The following HINT3 variants were observed in gnomAD, a reference collection of about 807,000 sequenced individuals.
HINT3 encodes histidine triad nucleotide binding protein 3.
A neutral mutation model predicts 19.1 loss-of-function variants in HINT3; 16 were observed. The ratio of observed to expected loss-of-function variants is 0.84; its 90% confidence interval spans 0.57 to 1.27. The LOEUF (loss-of-function observed/expected upper bound fraction) is 1.27, where lower values mean the gene tolerates loss of function less well. Among genes scored for constraint, HINT3 ranks in the 50% most tolerant of loss-of-function variants. HINT3 has a pLI of 0.00. For missense variants in HINT3, 197 were observed against 225.8 expected (o/e 0.87, Z 0.82); for synonymous variants, 75 against 84.8 (o/e 0.88, Z 0.63).
At position 125,974,963 on chromosome 6, in the gene HINT3, G is replaced by C. The variant is rs1174176015; in HGVS notation, c.506G>C (p.Trp169Ser). The change falls in exon 4 of 5, where the codon TGG (tryptophan) becomes TCG (serine). Residue 169 changes from tryptophan (W) to serine (S), a missense_variant. Transcript: ENST00000229633. ...TTGGTTTATAGAGTCAATTCCTATT[G>C]GTTTATCACAGTGAGTATTCTTGTT... is the stretch of plus-strand genomic sequence containing the variant. Reference protein sequence around the residue: ...SKLVYRVNSYWFITADHLIEK... With the variant: ...SKLVYRVNSYSFITADHLIEK... 6.2e-7 allele frequency: 1 copy of C among 1,613,548 alleles called. No individual in the cohort carries two copies. The highest frequency in any genetic ancestry group is 8.5e-7 in the Non-Finnish European group (1 of 1,179,664).
intron 1 of HINT3, among the ~76,000 whole-genome samples, chr6:125,962,189 C>CACAT (rs1178704034): frequency 1.6e-5 from 1 of 64,328 alleles, no homozygotes; most frequent in Non-Finnish European, 2.6e-5. Context: ...TATATATACA[C>CACAT]ATATATATAT....
intron 1 of HINT3, among the ~76,000 whole-genome samples, chr6:125,959,578 T>G (rs565389169): frequency 3.7e-4 from 57 of 152,266 alleles, no homozygotes; most frequent in African/African-American, 1.3e-3. Flanking sequence ...AAAAGGCAGA[T>G]AGCAGTTGAT....
intron 2 of HINT3, among the ~76,000 whole-genome samples, 154 bp downstream of exon 2, chr6:125,967,158 TA>T (rs1157561892): frequency 6.6e-6 from 1 of 152,150 alleles, no homozygotes; most frequent in Admixed American, 6.6e-5. Flanking sequence ...TTAAATTCAT[TA>T]AAAAATAGTA....
At chr6:125,975,435 TAGTA>T (rs1214667017) in intron 4 of HINT3, among the ~76,000 whole-genome samples, 5 of 152,294 alleles carry the variant, frequency 3.3e-5, no homozygotes, top group South Asian at 4.1e-4. Context: ...ACCTTGCAAA[TAGTA>T]AGTGTCAGGA....
intron 1 of HINT3, 116 bp downstream of exon 1, chr6:125,957,294 C>G (rs557494951): frequency 3.5e-6 from 4 of 1,151,418 alleles, no homozygotes; most frequent in East Asian, 2.6e-5. Context: ...CTACTCAGCT[C>G]GCAGAGGCAG....
chr6:125,965,459 C>T (rs934100692), intron 1 of HINT3, among the ~76,000 whole-genome samples: 2 of 152,060 alleles, frequency 1.3e-5, no homozygotes, highest in African/African-American at 4.8e-5. Flanking sequence ...GATTTAACCC[C>T]CAATTTTAAT....
Position 125,977,735 on chromosome 6 carries a change from C to T in HINT3, c.*59C>T. On this transcript the variant is annotated 3_prime_UTR_variant, in exon 5 of 5. Coordinates refer to ENST00000229633, the MANE Select transcript of HINT3 (RefSeq NM_138571.5). ...GTTCAGCATGAAGTGGTATTTAGGT[C>T]CCTTTTAAGTCTAATTGCAATTTTA... is the stretch of plus-strand genomic sequence containing the variant. The T allele has an allele frequency of 1.0e-6, 1 of 1,001,012 alleles. No individual in the cohort carries two copies. The allele number at this position is 1,001,012 out of a possible 1,614,324, so 62.0% of individuals were successfully genotyped here.
intron 1 of HINT3, among the ~76,000 whole-genome samples, chr6:125,963,431 A>G (rs867635651): frequency 2.0e-5 from 3 of 152,314 alleles, no homozygotes; most frequent in Middle Eastern, 3.4e-3. Context: ...GTTCTGCATT[A>G]CAGAAAGCAC....
chr6:125,962,932 A>T (rs1003511728), intron 1 of HINT3, among the ~76,000 whole-genome samples: 2 of 152,194 alleles, frequency 1.3e-5, no homozygotes, highest in African/African-American at 4.8e-5. Context: ...AAGAAAAAAA[A>T]GTCTTAAAAG....
In HINT3 at chr6:125,971,947, G is replaced by A. The variant is rs529291773; in HGVS notation, c.320-312G>A. 2.4e-4 allele frequency among the ~76,000 whole-genome samples: 36 copies of A among 152,124 alleles called. 1 individual carries two copies. The South Asian group carries it at 5.0e-3, about 21-fold the overall frequency. On this transcript the variant is annotated intron_variant, in intron 2 of 4. Transcript: ENST00000229633. ...AGGATGGTCTCGATCTCCTGACCTC[G>A]TGATCCGCCTGCCTCGGCCTCCCAA...
chr6:125,980,182 G>A lies in HINT3; in HGVS notation c.*2506G>A, dbSNP rs1789230509. On this transcript the variant is annotated 3_prime_UTR_variant, in exon 5 of 5. Transcript: ENST00000229633. ...ATGTTGTGATACTATTTGTGGAACT[G>A]TTTAATGAGCTATTTCAAACTGCTA... 1 of 152,170 alleles carries A rather than the reference G, an allele frequency of 6.6e-6. No homozygotes were observed. Among genetic ancestry groups the A allele is most frequent in the African/African-American group, 2.4e-5 (1 of 41,438 alleles). The allele number at this position is 152,170 out of a possible 1,614,324, so 9.4% of individuals were successfully genotyped here.
At chr6:125,973,538 G>T (rs1179787897) in intron 3 of HINT3, among the ~76,000 whole-genome samples, 1 of 152,022 alleles carries the variant, frequency 6.6e-6, no homozygotes, top group African/African-American at 2.4e-5. Context: ...GCTACTTGTG[G>T]TGTACTCTAC....
intron 1 of HINT3, among the ~76,000 whole-genome samples, chr6:125,964,737 TACACACACACACACAC>T (rs3083382): frequency 1.8e-4 from 27 of 148,548 alleles, no homozygotes; most frequent in Middle Eastern, 3.4e-3. Flanking sequence ...AATAGTTTTA[TACACACACACACACAC>T]ACACACACAC....
At chr6:125,957,234 C>T (rs977290977) in intron 1 of HINT3, 56 bp downstream of exon 1, 226 of 1,488,524 alleles carry the variant, frequency 1.5e-4, no homozygotes, top group Non-Finnish European at 2.0e-4. Flanking sequence ...CCTCGGAGCT[C>T]CGGCAGGGAG....
At chr6:125,963,466 G>A (rs188351612) in intron 1 of HINT3, among the ~76,000 whole-genome samples, 1 of 152,278 alleles carries the variant, frequency 6.6e-6, no homozygotes, top group East Asian at 1.9e-4. Flanking sequence ...TGGAGGTTGA[G>A]TGCCAGTCTG....
At chr6:125,967,998 A>C (rs1423164407) in intron 2 of HINT3, among the ~76,000 whole-genome samples, 1 of 152,198 alleles carries the variant, frequency 6.6e-6, no homozygotes, top group African/African-American at 2.4e-5. Flanking sequence ...TTGACGGTTT[A>C]GATTTGAAGA....
intron 3 of HINT3, among the ~76,000 whole-genome samples, chr6:125,973,293 G>T (rs937191653): frequency 7.2e-5 from 11 of 151,832 alleles, no homozygotes; most frequent in African/African-American, 2.7e-4. Context: ...TGGCCAGGCT[G>T]GTCTCGAACT....
chr6:125,971,420 T>C (rs1461008976), intron 2 of HINT3, among the ~76,000 whole-genome samples: 1 of 152,240 alleles, frequency 6.6e-6, no homozygotes, highest in East Asian at 1.9e-4. Flanking sequence ...AGTCTACTTA[T>C]CTGTGAGATT....
intron 4 of HINT3, among the ~76,000 whole-genome samples, chr6:125,975,584 G>GTTTTT (rs397694163): frequency 4.3e-4 from 63 of 145,152 alleles, no homozygotes; most frequent in African/African-American, 1.5e-3. Flanking sequence ...CTGAAGAGTT[G>GTTTTT]TTTTTTTTTT....
Sources: allele counts gnomAD v4.1 joint callset (sites outside exome capture counted in the v4.1 genomes callset), GRCh38; gene constraint gnomAD v4.1.1; transcripts MANE v1.5; gene names NCBI Gene and HGNC (gene_info 2026-07-23, HGNC 2026-07-21).